Variants in PTAFR observed in about 807,000 individuals in gnomAD.
PTAFR encodes the protein platelet activating factor receptor, also known as platelet-activating factor receptor.
Under a neutral mutation model 14.7 loss-of-function variants are expected in PTAFR, and 8 were observed. That is an observed-to-expected ratio of 0.54 (90% CI 0.32 to 0.98). The LOEUF is 0.98. Among genes scored for constraint, PTAFR ranks in the 50% least tolerant of loss-of-function variants. PTAFR has a pLI of 0.04. For synonymous variants in PTAFR, 156 were observed against 176.5 expected (o/e 0.88, Z 0.92); for missense variants, 337 against 451.2 (o/e 0.75, Z 2.29).
rs1188906189 is a variant in PTAFR, at chr1:28,149,938, C to T, written c.*55G>A. 4.5e-6 allele frequency: 7 copies of T among 1,558,148 alleles called. No homozygotes were observed. The highest frequency in any genetic ancestry group is 6.1e-6 in the Non-Finnish European group (7 of 1,149,352). On this transcript the variant is annotated 3_prime_UTR_variant, in exon 2 of 2. Coordinates refer to ENST00000373857, the MANE Select transcript of PTAFR (RefSeq NM_000952.5). Reference sequence around the variant, plus strand: ...ACCACAGTAGATATCCCTTCTTCCCCCAGCTCAGTCCATGATGTTCATGGA... The same window carrying T: ...ACCACAGTAGATATCCCTTCTTCCCTCAGCTCAGTCCATGATGTTCATGGA...
intron 1 of PTAFR, among the ~76,000 whole-genome samples, chr1:28,187,598 G>C (rs1360755845): frequency 4.6e-5 from 7 of 151,934 alleles, no homozygotes; most frequent in Admixed American, 2.0e-4. Context: ...CTCTGTCTCT[G>C]GGCTCAAGCC....
At chr1:28,185,794 A>C (rs1646601701) in intron 1 of PTAFR, among the ~76,000 whole-genome samples, 1 of 152,236 alleles carries the variant, frequency 6.6e-6, no homozygotes, top group South Asian at 2.1e-4. Context: ...GCAATTCCAT[A>C]GAAAAATTAT....
chr1:28,190,978 G>A lies in PTAFR; in HGVS notation c.-39+2744C>T, dbSNP rs528700299. 5.9e-5 allele frequency among the ~76,000 whole-genome samples: 9 copies of A among 152,296 alleles called. No homozygotes were observed. The East Asian group carries it at 7.7e-4, about 13-fold the overall frequency. On this transcript the variant is annotated intron_variant, in intron 1 of 1. Transcript: ENST00000305392. ...CACTGCCATCCTCACAATGGGATTA[G>A]GCCGGTAAAGGACGCCTGGCCGCTA... is the stretch of plus-strand genomic sequence containing the variant.
chr1:28,162,058 A>G lies in PTAFR; in HGVS notation c.-38-10999T>C, dbSNP rs1199782098. ...GAAGAGTGGGATGTGATCAGAGGAC[A>G]CCTGGCTGCAGATCACTCCTGAGCC... is the stretch of plus-strand genomic sequence containing the variant. On this transcript the variant is annotated intron_variant, in intron 1 of 1. Coordinates refer to ENST00000373857, the MANE Select transcript of PTAFR (RefSeq NM_000952.5). Among the ~76,000 whole-genome samples the G allele has an allele frequency of 2.6e-5, 4 of 152,254 alleles. 1 individual carries two copies. The Middle Eastern group carries it at 0.01, about 388-fold the overall frequency.
In PTAFR at chr1:28,162,456, C is replaced by T. The variant is rs140335554; in HGVS notation, c.-38-11397G>A. Among the ~76,000 whole-genome samples, 62 of 152,228 alleles carry T rather than the reference C, an allele frequency of 4.1e-4. 1 individual carries two copies. The highest frequency in any genetic ancestry group is 9.9e-4 in the African/African-American group (41 of 41,558). ...CAGGACTCAAACTGTGGTCCTTGGA[C>T]GAGCAGCATTGGCACCACCTGCAAG... On this transcript the variant is annotated intron_variant, in intron 1 of 1. Transcript: ENST00000373857.
chr1:28,174,958 G>A (rs753283310), intron 1 of PTAFR, among the ~76,000 whole-genome samples: 2 of 152,104 alleles, frequency 1.3e-5, no homozygotes, highest in Non-Finnish European at 2.9e-5. Context: ...ACGGAGTCTC[G>A]CTCTGTTGCC....
chr1:28,176,766 C>G (rs12133478), upstream of PTAFR: 3,523 of 153,080 alleles, frequency 0.023, 72 homozygotes, highest in African/African-American at 0.058. Context: ...CAAGGGGTAC[C>G]ACAGGAACTT....
intron 1 of PTAFR, among the ~76,000 whole-genome samples, chr1:28,169,403 A>C (rs1646428179): frequency 6.6e-6 from 1 of 152,196 alleles, no homozygotes. Flanking sequence ...AAAGCTATGC[A>C]ACCTTTGGTA....
chr1:28,154,829 A>AG (rs1403420241), intron 1 of PTAFR, among the ~76,000 whole-genome samples: 2,068 of 142,356 alleles, frequency 0.015, 69 homozygotes, highest in African/African-American at 0.05. Flanking sequence ...AAAAAAAAAA[A>AG]AAGTGGGGGG....
chr1:28,177,852 T>C (rs937012709), upstream of PTAFR, among the ~76,000 whole-genome samples: 7 of 151,648 alleles, frequency 4.6e-5, no homozygotes, highest in African/African-American at 1.7e-4. Context: ...TGAGTGTAGG[T>C]GTGAGGGTAT....
Position 28,149,802 on chromosome 1 carries a change from G to A in PTAFR, c.*191C>T. ...TATGCGCCCACAGGCGGATGAAGGG[G>A]CTCATTTGAGTTCTGGATTTTCCAA... On this transcript the variant is annotated 3_prime_UTR_variant, in exon 2 of 2. Coordinates refer to ENST00000373857, the MANE Select transcript of PTAFR (RefSeq NM_000952.5). The A allele has an allele frequency of 1.5e-6, 1 of 666,608 alleles. No individual in the cohort carries two copies. The highest frequency in any genetic ancestry group is 2.5e-6 in the Non-Finnish European group (1 of 402,534). 41.3% of individuals were successfully genotyped at this position (666,608 alleles called of 1,614,324 possible).
upstream of PTAFR, among the ~76,000 whole-genome samples, chr1:28,179,771 G>A (rs1646548210): frequency 6.6e-6 from 1 of 152,084 alleles, no homozygotes; most frequent in East Asian, 1.9e-4. Flanking sequence ...CCCAGGAGGC[G>A]GAGGTTGCAG....
intron 1 of PTAFR, among the ~76,000 whole-genome samples, chr1:28,164,594 T>C (rs1295429566): frequency 1.3e-5 from 2 of 152,240 alleles, no homozygotes; most frequent in African/African-American, 2.4e-5. Flanking sequence ...TTTTACAAGA[T>C]ACCTAATTTT....
chr1:28,149,993 C>A lies in PTAFR; in HGVS notation c.1029G>T (p.Ter343TyrextTer12), dbSNP rs768626174. The A allele has an allele frequency of 4.3e-6, 7 of 1,609,614 alleles. No homozygotes were observed. In the Admixed American group the frequency reaches 8.4e-5, roughly 19 times the overall value. ...AAGACTTCAGGCCTGGAAGCAGGGA[C>A]TAATTTTTGAGGGAATTGCCAGGGA... ...NQIPGNSLKN[*>Y] Residue 343 changes from the stop codon to tyrosine (Y), a stop_lost, in exon 2 of 2, where the codon TAG becomes TAT. Coordinates refer to ENST00000373857, the MANE Select transcript of PTAFR (RefSeq NM_000952.5).
chr1:28,150,694 C>T lies in PTAFR; in HGVS notation c.328G>A (p.Val110Ile), dbSNP rs770854173. Residue 110 changes from valine (V) to isoleucine (I), a missense_variant, in exon 2 of 2, where the codon GTC (valine) becomes ATC (isoleucine). Physicochemically the swap from Val to Ile is conservative, Grantham distance 29. Coordinates refer to ENST00000373857, the MANE Select transcript of PTAFR (RefSeq NM_000952.5). The surrounding 1 kb of genome is among the most constrained non-coding windows in gnomAD (Gnocchi z 6.3). ...NTYCSVAFLGVITYNRFQAVT... is the reference protein window; with the variant it reads ...NTYCSVAFLGIITYNRFQAVT... The stretch of plus-strand genomic sequence containing the variant: ...GCCTGGAAGCGGTTATAAGTGATGA[C>T]GCCCAGGAAGGCCACAGAGCAGTAG... 15 of 1,613,946 alleles carry T rather than the reference C, an allele frequency of 9.3e-6. No individual in the cohort carries two copies. The highest frequency in any genetic ancestry group is 6.7e-5 in the East Asian group (3 of 44,890).
intron 1 of PTAFR, among the ~76,000 whole-genome samples, chr1:28,169,227 T>C (rs1572039974): frequency 6.6e-6 from 1 of 150,854 alleles, no homozygotes; most frequent in South Asian, 2.1e-4. Context: ...AACACCCCAG[T>C]CTCTATAAAA....
At chr1:28,176,827 C>T (rs41310783), upstream of PTAFR, 482 of 153,078 alleles carry the variant, frequency 3.1e-3, 3 homozygotes, top group Middle Eastern at 0.01. Flanking sequence ...TCTCAAAGAG[C>T]GAGGGATGGG....
chr1:28,180,911 GGA>G (rs1043643585), upstream of PTAFR, among the ~76,000 whole-genome samples: 53 of 151,822 alleles, frequency 3.5e-4, 1 homozygote, highest in African/African-American at 9.9e-4. Flanking sequence ...AGGAATGAAG[GGA>G]GAGAGGGGAG....
At chr1:28,173,735 A>G (rs1447334973) in intron 1 of PTAFR, among the ~76,000 whole-genome samples, 4 of 151,670 alleles carry the variant, frequency 2.6e-5, no homozygotes, top group African/African-American at 9.7e-5. Flanking sequence ...GCCAAGCTCA[A>G]CTCCAAACCC....
Sources: gnomAD v4.1 joint callset for allele counts (sites outside exome capture counted in the v4.1 genomes callset) on GRCh38, gnomAD v4.1.1 for gene constraint, Gnocchi (gnomAD v3.1) non-coding constraint, MANE v1.5 for transcripts, NCBI Gene and HGNC (gene_info 2026-07-23, HGNC 2026-07-21) for gene names.